The following NETO1 variants were observed in gnomAD, a reference collection of about 807,000 sequenced individuals.
The protein encoded by NETO1 is neuropilin and tolloid like 1, also known as neuropilin and tolloid-like protein 1.
Under a neutral mutation model 61.3 loss-of-function variants are expected in NETO1, and 26 were observed. The observed-to-expected ratio is 0.42, with a 90% confidence interval of 0.31 to 0.59. The LOEUF is 0.59. Among genes scored for constraint, NETO1 ranks in the 20% least tolerant of loss-of-function variants. The pLI is 0.12. For missense variants in NETO1, 531 were observed against 662.8 expected, an observed-to-expected ratio of 0.80 and a Z score of 2.18; for synonymous variants, 225 against 225.8, an observed-to-expected ratio of 1.00 and a Z score of 0.03.
At chr18:72,762,723 G>T (rs2071019234) in intron 7 of NETO1, among the ~76,000 whole-genome samples, 1 of 152,118 alleles carries the variant, frequency 6.6e-6, no homozygotes, top group Non-Finnish European at 1.5e-5. Context: ...ACCACAAGGT[G>T]GCGAACTTAC....
intron 7 of NETO1, among the ~76,000 whole-genome samples, chr18:72,773,362 A>G (rs1013343685): frequency 6.6e-6 from 1 of 152,164 alleles, no homozygotes; most frequent in Admixed American, 6.5e-5. Context: ...CATCTGCAAA[A>G]TAAGTTTTCA....
At chr18:72,822,876 C>T (rs1428306458) in intron 4 of NETO1, among the ~76,000 whole-genome samples, 1 of 152,080 alleles carries the variant, frequency 6.6e-6, no homozygotes, top group African/African-American at 2.4e-5. Context: ...GAGGCATATA[C>T]ATGTGTGTAT....
chr18:72,847,678 T>A lies in NETO1; in HGVS notation c.469+11148A>T, dbSNP rs190552718. Among the ~76,000 whole-genome samples, 547 of 152,334 alleles carry A rather than the reference T, an allele frequency of 3.6e-3. 7 individuals carry two copies. Among genetic ancestry groups the A allele is most frequent in the African/African-American group, 0.013 (524 of 41,572 alleles). Reference sequence around the variant, plus strand: ...ATACAGTTATCTAGATATAGATTTTTAATCTAAGTGTAGGAAAGTCCAGAA... The same window carrying A: ...ATACAGTTATCTAGATATAGATTTTAAATCTAAGTGTAGGAAAGTCCAGAA... On this transcript the variant is annotated intron_variant, in intron 4 of 10. Transcript: ENST00000327305.
intron 4 of NETO1, among the ~76,000 whole-genome samples, chr18:72,850,142 G>A (rs1323038284): frequency 6.6e-6 from 1 of 152,168 alleles, no homozygotes; most frequent in East Asian, 1.9e-4. Context: ...GACATCTTGT[G>A]GGGAGGGTAT....
chr18:72,865,963 T>C (rs1416604060), intron 1 of NETO1, among the ~76,000 whole-genome samples: 1 of 152,216 alleles, frequency 6.6e-6, no homozygotes, highest in Non-Finnish European at 1.5e-5. Context: ...GAAAGCATTA[T>C]ATTGGGTCAG....
chr18:72,772,823 CTCTATATATATATATATATATA>C lies in NETO1; in HGVS notation c.868+10833_868+10854del, dbSNP rs1185941579. On this transcript the variant is annotated intron_variant, in intron 7 of 10. Coordinates refer to ENST00000327305, the MANE Select transcript of NETO1 (RefSeq NM_138966.5). ...TCTCTCTCTCTCTCTCTCTCTCTCT[CTCTATATATATATATATATATA>C]TATATATATATATATATATATATAT... Among the ~76,000 whole-genome samples the C allele has an allele frequency of 4.9e-3, 191 of 38,818 alleles. 1 individual carries two copies. Among genetic ancestry groups the C allele is most frequent in the African/African-American group, 0.02 (166 of 8,432 alleles). The allele number at this position is 38,818 out of a possible 152,430, so 25.5% of individuals were successfully genotyped here.
intron 7 of NETO1, among the ~76,000 whole-genome samples, chr18:72,759,135 G>A (rs1393276953): frequency 6.6e-6 from 1 of 152,100 alleles, no homozygotes; most frequent in African/African-American, 2.4e-5. Context: ...ACCAATGTGT[G>A]TAGCCCATTG....
At chr18:72,813,586 A>T (rs1176922463) in intron 4 of NETO1, among the ~76,000 whole-genome samples, 1 of 152,190 alleles carries the variant, frequency 6.6e-6, no homozygotes, top group East Asian at 1.9e-4. Context: ...AGGGAATAGG[A>T]AACTACCAAA....
intron 4 of NETO1, among the ~76,000 whole-genome samples, chr18:72,840,999 T>C (rs553753749): frequency 6.6e-6 from 1 of 152,286 alleles, no homozygotes; most frequent in South Asian, 2.1e-4. Flanking sequence ...TTGCCCCTAT[T>C]AGCAGCACAA....
chr18:72,864,664 GTTA>G (rs1568278357), intron 3 of NETO1, 141 bp downstream of exon 3: 1 of 1,073,484 alleles, frequency 9.3e-7, no homozygotes, highest in Admixed American at 2.4e-5. Flanking sequence ...AGATTTTACA[GTTA>G]TTGATTCACT....
At chr18:72,846,078 T>G (rs936413098) in intron 4 of NETO1, among the ~76,000 whole-genome samples, 2 of 151,926 alleles carry the variant, frequency 1.3e-5, no homozygotes, top group Non-Finnish European at 2.9e-5. Flanking sequence ...ATCTGGATTT[T>G]TTTCCAGAAA....
Position 72,867,800 on chromosome 18 carries a change from C to T in NETO1, c.-509G>A, listed in dbSNP as rs1834612696. ...CGGGCGGCGGCGGCGGCGCCGGCGGCGGCGGGGTGGCTCAGTCCCCAGTCT... is the reference window on the plus strand; with the variant it reads ...CGGGCGGCGGCGGCGGCGCCGGCGGTGGCGGGGTGGCTCAGTCCCCAGTCT... On this transcript the variant is annotated 5_prime_UTR_variant, in exon 1 of 11. Transcript: ENST00000327305. 1 of 159,452 alleles carries T rather than the reference C, an allele frequency of 6.3e-6. No individual in the cohort carries two copies. Among genetic ancestry groups the T allele is most frequent in the East Asian group, 1.9e-4 (1 of 5,334 alleles). 9.9% of individuals were successfully genotyped at this position (159,452 alleles called of 1,614,324 possible). A position where few individuals can be genotyped will look rare whatever the true frequency, so the allele number is the denominator to read the frequency against.
At chr18:72,855,954 C>T (rs2074399601) in intron 4 of NETO1, among the ~76,000 whole-genome samples, 1 of 152,098 alleles carries the variant, frequency 6.6e-6, no homozygotes, top group African/African-American at 2.4e-5. Flanking sequence ...ATCTGTCCAC[C>T]CAGGTATGTT....
At chr18:72,787,987 T>C (rs2071979721) in intron 6 of NETO1, among the ~76,000 whole-genome samples, 1 of 152,210 alleles carries the variant, frequency 6.6e-6, no homozygotes, top group Non-Finnish European at 1.5e-5. Context: ...AAAATAAACG[T>C]GTCCCTCAAA....
At chr18:72,858,746 T>C in intron 4 of NETO1, 80 bp downstream of exon 4, 1 of 1,330,026 alleles carries the variant, frequency 7.5e-7, no homozygotes, top group African/African-American at 1.5e-5. Flanking sequence ...AAGTATAATG[T>C]TGTCTTACAC....
At chr18:72,818,315 T>A (rs2073088622) in intron 4 of NETO1, among the ~76,000 whole-genome samples, 2 of 152,204 alleles carry the variant, frequency 1.3e-5, no homozygotes, top group Non-Finnish European at 2.9e-5. Context: ...GCTTTACTCT[T>A]GCGATTTCAA....
In NETO1 at chr18:72,756,117, T is replaced by C. The variant is rs1325694639; in HGVS notation, c.899A>G (p.His300Arg). 3 of 1,606,424 alleles carry C rather than the reference T, an allele frequency of 1.9e-6. No homozygotes were observed. Among genetic ancestry groups the C allele is most frequent in the African/African-American group, 1.3e-5 (1 of 74,690 alleles). ...PPCEGNTFFC[H>R]SNMCINNTLV... The stretch of plus-strand genomic sequence containing the variant: ...AGTATTATTAATACACATGTTACTA[T>C]GGCAGAAGAATGTGTTGCCTTCACA... The change falls in exon 8 of 11, where the codon CAT becomes CGT. Residue 300 changes from histidine (H) to arginine (R), a missense_variant. By Grantham distance (29) the His-to-Arg change is conservative. Coordinates refer to ENST00000327305, the MANE Select transcript of NETO1 (RefSeq NM_138966.5).
chr18:72,748,379 A>G, intron 10 of NETO1: 1 of 768,782 alleles, frequency 1.3e-6, no homozygotes, highest in Non-Finnish European at 1.6e-6. Flanking sequence ...CAAAAAGTAA[A>G]GCCATTGTGA....
In NETO1 at chr18:72,807,183, T is replaced by C. The variant is rs551053308; in HGVS notation, c.470-12779A>G. Among the ~76,000 whole-genome samples, 51 of 152,322 alleles carry C rather than the reference T, an allele frequency of 3.3e-4. No homozygotes were observed. The South Asian group carries it at 0.01, about 30-fold the overall frequency. On this transcript the variant is annotated intron_variant, in intron 4 of 10. Transcript: ENST00000327305. ...AACTTCTTTTAAAGGTATACTCTTT[T>C]CTCTAAGTATGGGGTTGACAATTAT...
Sources: gnomAD v4.1 joint callset for allele counts (sites outside exome capture counted in the v4.1 genomes callset) on GRCh38, gnomAD v4.1.1 for gene constraint, MANE v1.5 for transcripts, NCBI Gene and HGNC (gene_info 2026-07-23, HGNC 2026-07-21) for gene names.